Variants in MUC4 observed in about 807,000 individuals in gnomAD.
MUC4 encodes mucin 4, cell surface associated, also known as mucin-4.
Under a neutral mutation model 257.9 loss-of-function variants are expected in MUC4, and 202 were observed. That is an observed-to-expected ratio of 0.78 (90% CI 0.70 to 0.88). The LOEUF (loss-of-function observed/expected upper bound fraction) is 0.88, where lower values mean the gene tolerates loss of function less well. Among genes scored for constraint, MUC4 ranks in the 40% least tolerant of loss-of-function variants. The pLI is 0.00. For synonymous variants in MUC4, 2,351 were observed against 2,757.1 expected (o/e 0.85, Z 4.62); for missense variants, 5,976 against 6,513.7 (o/e 0.92, Z 2.84).
At chr3:195,797,923 T>C (rs1186634717) in intron 1 of MUC4, among the ~76,000 whole-genome samples, 3 of 151,870 alleles carry the variant, frequency 2.0e-5, no homozygotes, top group Admixed American at 6.6e-5. Flanking sequence ...CTGGGTAACA[T>C]AGCAAGATCC....
chr3:195,766,099 TACAGGTGTGC>T (rs1435301077), intron 8 of MUC4, among the ~76,000 whole-genome samples: 4 of 152,168 alleles, frequency 2.6e-5, no homozygotes, highest in Non-Finnish European at 5.9e-5. Flanking sequence ...TAGCTGGAAT[TACAGGTGTGC>T]ACCACAACGT....
rs753837262 is a variant in MUC4 at position 195,783,236 on chromosome 3, C to A, written c.8344G>T (p.Ala2782Ser). The A allele has an allele frequency of 1.5e-6, 2 of 1,308,524 alleles. No individual in the cohort carries two copies. The highest frequency in any genetic ancestry group is 2.1e-6 in the Non-Finnish European group (2 of 967,572). 81.1% of individuals were successfully genotyped at this position (1,308,524 alleles called of 1,614,324 possible). Residue 2782 changes from alanine (A) to serine (S), a missense_variant, in exon 2 of 25, where the codon GCC becomes TCC. Coordinates refer to ENST00000463781, the MANE Select transcript of MUC4 (RefSeq NM_018406.7). ...TNTSSVSTGH[A>S]TPLHVTSPSS... ...GGGCTGGTGACATGAAGAGGGGTGGCGTGACCTGTGGATACTGAGGAAGTG... is the reference window on the plus strand; with the variant it reads ...GGGCTGGTGACATGAAGAGGGGTGGAGTGACCTGTGGATACTGAGGAAGTG...
rs745850047 is a variant in MUC4, at chr3:195,786,148, A to G, written c.5432T>C (p.Val1811Ala). 6.5e-7 allele frequency: 1 copy of G among 1,530,170 alleles called. No individual in the cohort carries two copies. The allele number at this position is 1,530,170 out of a possible 1,614,324, so 94.8% of individuals were successfully genotyped here. Residue 1811 changes from valine (V) to alanine (A), a missense_variant, in exon 2 of 25, where the codon GTC becomes GCC. Coordinates refer to ENST00000463781, the MANE Select transcript of MUC4 (RefSeq NM_018406.7). ...ASTGQAIPLPVTSPSSASTGD... is the reference protein window; with the variant it reads ...ASTGQAIPLPATSPSSASTGD... ...TGTGGATGCTGAGGAAGGGCTGGTG[A>G]CAGGAAGAGGGATGGCCTGACCTGT...
intron 16 of MUC4, among the ~76,000 whole-genome samples, chr3:195,759,919 A>ACACACACACACACACGCACGCACGCG (rs1491337525): frequency 2.6e-5 from 1 of 38,500 alleles, no homozygotes; most frequent in Non-Finnish European, 8.2e-5. Context: ...AACTCCGTCA[A>ACACACACACACACACGCACGCACGCG]CACACACACA....
rs1317754410 is a variant in MUC4, at chr3:195,764,114, A to G, written c.13975T>C (p.Tyr4659His). The change falls in exon 11 of 25, where the codon TAC (tyrosine) becomes CAC (histidine). Residue 4659 changes from tyrosine (Y) to histidine (H), a missense_variant. Tyr to His is a moderately conservative substitution (Grantham distance 83). Around this residue, in one of 44 missense-constraint regions of MUC4, gnomAD observed 996 missense variants for 1,137.3 expected, o/e 0.88. Transcript: ENST00000463781. Reference protein sequence around the residue: ...SWCCRWNDKPYLCALYQQRRP... With the variant: ...SWCCRWNDKPHLCALYQQRRP... ...CTCTGCTGGTACAGGGCACAGAGGT[A>G]GGGCTTGTCATTCCAGCGGCAGCAC... is the stretch of plus-strand genomic sequence containing the variant. 6.2e-7 allele frequency: 1 copy of G among 1,601,450 alleles called. No homozygotes were observed. Among genetic ancestry groups the G allele is most frequent in the African/African-American group, 1.3e-5 (1 of 74,832 alleles).
chr3:195,749,633 T>A (rs1264187409), intron 23 of MUC4, among the ~76,000 whole-genome samples: 2 of 152,210 alleles, frequency 1.3e-5, no homozygotes, highest in Non-Finnish European at 2.9e-5. Context: ...TTTTAAAATA[T>A]GACACTATAT....
chr3:195,754,812 AT>A, intron 18 of MUC4, among the ~76,000 whole-genome samples: 2 of 17,258 alleles, frequency 1.2e-4, no homozygotes, highest in Non-Finnish European at 7.3e-4. Context: ...GCATGTATGT[AT>A]CCATGTGTGT....
intron 3 of MUC4, among the ~76,000 whole-genome samples, chr3:195,777,614 C>CGG (rs1725168468): frequency 8.7e-6 from 1 of 114,676 alleles, no homozygotes; most frequent in African/African-American, 4.5e-5. Context: ...ACCTTCCACA[C>CGG]CCATACCTTC....
chr3:195,811,804 C>A lies in MUC4; in HGVS notation c.14G>T (p.Arg5Leu), dbSNP rs112836612. ...GGACACCCAGGGGACCCTCCTCCAGCGTGCCCCCTTCATGGCTGCGGCAAA... is the reference window on the plus strand; with the variant it reads ...GGACACCCAGGGGACCCTCCTCCAGAGTGCCCCCTTCATGGCTGCGGCAAA... MKGA[R>L]WRRVPWVSLS... Residue 5 changes from arginine (R) to leucine (L), a missense_variant, in exon 1 of 25, where the codon CGC becomes CTC. Arg to Leu is a moderately radical substitution (Grantham distance 102). This residue lies in a region of MUC4 where 1,583 missense variants were observed against 1,257.4 expected (regional missense o/e 1.26). Transcript: ENST00000463781. The A allele has an allele frequency of 1.9e-6, 3 of 1,613,854 alleles. No homozygotes were observed. Among genetic ancestry groups the A allele is most frequent in the Non-Finnish European group, 2.5e-6 (3 of 1,179,930 alleles).
chr3:195,763,044 G>C, intron 12 of MUC4, 99 bp from the exon 13 acceptor site: 1 of 1,045,934 alleles, frequency 9.6e-7, no homozygotes, highest in Non-Finnish European at 1.4e-6. Context: ...GCTGCGCCCT[G>C]GGCCGGGAGG....
At chr3:195,753,269 G>T (rs1428808153) in intron 19 of MUC4, 39 bp from the exon 20 acceptor site, 2 of 1,597,594 alleles carry the variant, frequency 1.3e-6, no homozygotes, top group Admixed American at 1.7e-5. Context: ...AGCGCGCAGG[G>T]CAGCAGAGGG....
At chr3:195,795,432 CT>C (rs1363610541) in intron 1 of MUC4, among the ~76,000 whole-genome samples, 1 of 151,998 alleles carries the variant, frequency 6.6e-6, no homozygotes, top group Non-Finnish European at 1.5e-5. Flanking sequence ...AGATAAGCCT[CT>C]AATAGCAAAA....
At position 195,784,819 on chromosome 3, in the gene MUC4, GTGTCA is replaced by G; in HGVS notation, c.6756_6760del (p.Asp2253HisfsTer31). The G allele has an allele frequency of 7.3e-7, 1 of 1,368,984 alleles. No individual in the cohort carries two copies. The highest frequency in any genetic ancestry group is 1.9e-5 in the African/African-American group (1 of 52,668). The allele number at this position is 1,368,984 out of a possible 1,614,324, so 84.8% of individuals were successfully genotyped here. The stretch of plus-strand genomic sequence containing the variant: ...AGCGTCGGTGACAGGAAGAGGGGTG[GTGTCA>G]CCTGTGGATGCTGAGGAAAGGCTGG... On this transcript the variant is annotated frameshift_variant, in exon 2 of 25. Coordinates refer to ENST00000463781, the MANE Select transcript of MUC4 (RefSeq NM_018406.7). LOFTEE classifies it high-confidence loss of function.
chr3:195,790,546 G>GTGAGGGTGT lies in MUC4; in HGVS notation c.1025_1033dup (p.Asn342_Leu344dup), dbSNP rs777574810. On this transcript the variant is annotated inframe_insertion, in exon 2 of 25. Transcript: ENST00000463781. ...TAAAACAGTTGATGTTGTAACCGGT[G>GTGAGGGTGT]TGAGGGTGTTGAGGGTGTTGATTTG... is the stretch of plus-strand genomic sequence containing the variant. The GTGAGGGTGT allele has an allele frequency of 9.9e-6, 16 of 1,613,906 alleles. No homozygotes were observed. Among genetic ancestry groups the GTGAGGGTGT allele is most frequent in the Non-Finnish European group, 1.4e-5 (16 of 1,179,892 alleles).
chr3:195,772,479 A>G (rs540382021), intron 4 of MUC4, among the ~76,000 whole-genome samples: 2 of 131,366 alleles, frequency 1.5e-5, no homozygotes, highest in African/African-American at 6.3e-5. Flanking sequence ...TCCATCGCTC[A>G]GGGGTGTAGA....
intron 1 of MUC4, among the ~76,000 whole-genome samples, chr3:195,807,946 G>A (rs1345460763): frequency 1.3e-5 from 2 of 152,212 alleles, no homozygotes; most frequent in East Asian, 1.9e-4. Context: ...AGGGCGTGGC[G>A]GGACTCACAG....
intron 3 of MUC4, among the ~76,000 whole-genome samples, chr3:195,777,596 A>G (rs1438301480): frequency 3.8e-4 from 53 of 140,788 alleles, no homozygotes; most frequent in South Asian, 1.1e-3. Flanking sequence ...CATACCTTCC[A>G]CACCCATACC....
chr3:195,771,850 G>A (rs745903599), intron 4 of MUC4, 34 bp from the exon 5 acceptor site: 1 of 1,605,506 alleles, frequency 6.2e-7, no homozygotes, highest in East Asian at 2.2e-5. Flanking sequence ...AGCATTCAGG[G>A]AGGGAAGTGG....
At chr3:195,806,109 C>G (rs912868073) in intron 1 of MUC4, among the ~76,000 whole-genome samples, 1 of 152,148 alleles carries the variant, frequency 6.6e-6, no homozygotes, top group Admixed American at 6.5e-5. Context: ...CAGTGAGACT[C>G]TGTCTCAAAA....
Sources: gnomAD v4.1 joint callset for allele counts (sites outside exome capture counted in the v4.1 genomes callset) on GRCh38, gnomAD v4.1.1 for gene constraint, gnomAD v4.1.1 regional missense constraint, MANE v1.5 for transcripts, NCBI Gene and HGNC (gene_info 2026-07-23, HGNC 2026-07-21) for gene names.